SHISA9: variants seen among roughly 807,000 people sequenced by gnomAD.
SHISA9 encodes the protein protein shisa-9.
SHISA9 carries 13 observed loss-of-function variants against 38.0 expected under a neutral mutation model. The ratio of observed to expected loss-of-function variants is 0.34; its 90% confidence interval spans 0.22 to 0.54. The LOEUF (loss-of-function observed/expected upper bound fraction) is 0.54, where lower values mean the gene tolerates loss of function less well. SHISA9 is among the 20% of genes least tolerant of loss of function. The pLI is 0.91. For synonymous variants in SHISA9, 275 were observed against 242.0 expected (o/e 1.14, Z -1.27); for missense variants, 538 against 575.8 (o/e 0.93, Z 0.67).
chr16:13,403,470 A>AG, the SHISA9 span, among the ~76,000 whole-genome samples: 1 of 152,248 alleles, frequency 6.6e-6, no homozygotes, highest in Admixed American at 6.5e-5. Flanking sequence ...ATCAGGAGTG[A>AG]GGAGCTATCC....
chr16:13,293,977 G>A, the SHISA9 span, among the ~76,000 whole-genome samples: 3 of 152,216 alleles, frequency 2.0e-5, no homozygotes, highest in African/African-American at 7.2e-5. Flanking sequence ...GTACCCAGCT[G>A]ACACTGGCTT....
intron 2 of SHISA9, among the ~76,000 whole-genome samples, chr16:13,151,806 G>T (rs974349612): frequency 2.0e-5 from 3 of 152,208 alleles, no homozygotes; most frequent in Admixed American, 2.0e-4. Context: ...CTATGAGAAT[G>T]GAGCCATGGA....
At chr16:13,260,449 C>A in the SHISA9 span, among the ~76,000 whole-genome samples, 1 of 152,148 alleles carries the variant, frequency 6.6e-6, no homozygotes, top group Non-Finnish European at 1.5e-5. Flanking sequence ...GAAATTTCTT[C>A]CCTGAGATAC....
the SHISA9 span, among the ~76,000 whole-genome samples, chr16:13,329,797 C>T: frequency 1.8e-4 from 28 of 152,282 alleles, no homozygotes; most frequent in African/African-American, 5.5e-4. Context: ...TTGTTGCGTC[C>T]GTCCTGGAAA....
In SHISA9 at chr16:12,938,911, A is replaced by T. The variant is rs373117915; in HGVS notation, c.691+22096A>T. 1.1e-4 allele frequency among the ~76,000 whole-genome samples: 17 copies of T among 152,324 alleles called. No individual in the cohort carries two copies. The South Asian group carries it at 3.5e-3, about 32-fold the overall frequency. On this transcript the variant is annotated intron_variant, in intron 2 of 4. Transcript: ENST00000558583. ...AGATTGAAAACACATTGAGGGCAGCAAATACTTCTAAGTTCTCCCTCCCAT... is the reference window on the plus strand; with the variant it reads ...AGATTGAAAACACATTGAGGGCAGCTAATACTTCTAAGTTCTCCCTCCCAT...
chr16:13,172,010 A>G (rs1328689005), intron 2 of SHISA9, among the ~76,000 whole-genome samples: 3 of 152,110 alleles, frequency 2.0e-5, no homozygotes, highest in Non-Finnish European at 4.4e-5. Context: ...TGCTGGATGT[A>G]TACAAGGCAA....
At chr16:12,946,458 C>T (rs542628066) in intron 2 of SHISA9, among the ~76,000 whole-genome samples, 13 of 152,218 alleles carry the variant, frequency 8.5e-5, no homozygotes, top group African/African-American at 2.9e-4. Context: ...TTTAATTTAT[C>T]GAGGAGATTC....
the SHISA9 span, among the ~76,000 whole-genome samples, chr16:13,397,298 C>T: frequency 2.0e-5 from 3 of 152,158 alleles, no homozygotes; most frequent in Non-Finnish European, 2.9e-5. Context: ...TGCCCTGCTG[C>T]TGAAACCCCT....
chr16:13,179,519 A>G (rs974563116), intron 2 of SHISA9, among the ~76,000 whole-genome samples: 4 of 152,228 alleles, frequency 2.6e-5, no homozygotes, highest in Non-Finnish European at 4.4e-5. Context: ...TAGAGCTACC[A>G]GAAGGAAGAA....
At chr16:13,294,358 A>G in the SHISA9 span, among the ~76,000 whole-genome samples, 1 of 152,210 alleles carries the variant, frequency 6.6e-6, no homozygotes, top group Non-Finnish European at 1.5e-5. Flanking sequence ...TGTTAAAGTT[A>G]GTTAGGCCAC....
chr16:13,197,597 C>G (rs536401195), intron 2 of SHISA9: 1 of 152,286 alleles, frequency 6.6e-6, no homozygotes, highest in East Asian at 1.9e-4. Flanking sequence ...GAGGCTCCTT[C>G]TCTGTCTTAG....
chr16:13,225,026 A>G (rs1179936120), intron 4 of SHISA9, among the ~76,000 whole-genome samples: 2 of 152,326 alleles, frequency 1.3e-5, no homozygotes, highest in East Asian at 3.9e-4. Flanking sequence ...TTGAGGATAT[A>G]TTGAATTAAT....
At position 13,031,806 on chromosome 16, in the gene SHISA9, G is replaced by A. The variant is rs76831301; in HGVS notation, c.691+114991G>A. 9.6e-4 allele frequency among the ~76,000 whole-genome samples: 146 copies of A among 152,312 alleles called. 2 individuals are homozygous for A. In the East Asian group the frequency reaches 0.026, roughly 27 times the overall value. The stretch of plus-strand genomic sequence containing the variant: ...ATTGATATATCAGGAAACAATTTGA[G>A]CATAATGTGAATTTCACATTTGTTC... On this transcript the variant is annotated intron_variant, in intron 2 of 4. Transcript: ENST00000558583.
chr16:13,458,640 G>C, the SHISA9 span: 12 of 335,756 alleles, frequency 3.6e-5, no homozygotes, highest in African/African-American at 2.7e-4. Context: ...CTATTATGCA[G>C]ATGTATGGAG....
chr16:12,970,469 GTA>G (rs781120776), intron 2 of SHISA9, among the ~76,000 whole-genome samples: 3,092 of 23,962 alleles, frequency 0.13, 309 homozygotes, highest in South Asian at 0.15. Context: ...ATATGTGTGT[GTA>G]TATATATATA....
chr16:13,051,627 A>G (rs1325133688), intron 2 of SHISA9, among the ~76,000 whole-genome samples: 2 of 152,198 alleles, frequency 1.3e-5, no homozygotes, highest in Non-Finnish European at 2.9e-5. Flanking sequence ...AGGGCAAGAT[A>G]GTTTAAACAA....
the SHISA9 span, among the ~76,000 whole-genome samples, chr16:13,309,824 CA>C: frequency 6.6e-6 from 1 of 151,928 alleles, no homozygotes; most frequent in Non-Finnish European, 1.5e-5. Context: ...AACAAACAAA[CA>C]AAAAACTCCA....
chr16:13,072,288 C>A (rs1407097958), intron 2 of SHISA9, among the ~76,000 whole-genome samples: 2 of 152,216 alleles, frequency 1.3e-5, no homozygotes, highest in African/African-American at 4.8e-5. Context: ...TCCTCAGGAA[C>A]CACAGTGGAG....
At chr16:13,178,440 C>T (rs368250695) in intron 2 of SHISA9, among the ~76,000 whole-genome samples, 12 of 152,190 alleles carry the variant, frequency 7.9e-5, no homozygotes, top group African/African-American at 2.6e-4. Context: ...TTGGGCCCCA[C>T]GTTTTACAAG....
Sources: allele counts gnomAD v4.1 joint callset (sites outside exome capture counted in the v4.1 genomes callset), GRCh38; gene constraint gnomAD v4.1.1; transcripts MANE v1.5; gene names NCBI Gene and HGNC (gene_info 2026-07-23, HGNC 2026-07-21).